Variants in AKT3 observed in about 807,000 individuals in gnomAD.
The protein encoded by AKT3 is RAC-gamma serine/threonine-protein kinase.
Under a neutral mutation model 65.3 loss-of-function variants are expected in AKT3, and 15 were observed. That is an observed-to-expected ratio of 0.23 (90% CI 0.15 to 0.35). The LOEUF is 0.35. Ranked by LOEUF, AKT3 falls within the 10% of genes least tolerant of loss-of-function variation. The pLI, the probability that AKT3 is intolerant of heterozygous loss-of-function variation, is 1.00. For missense variants in AKT3, 243 were observed against 576.5 expected, an observed-to-expected ratio of 0.42 and a Z score of 5.92; for synonymous variants, 206 against 183.8, an observed-to-expected ratio of 1.12 and a Z score of -0.98.
intron 4 of AKT3, among the ~76,000 whole-genome samples, chr1:243,659,282 T>C (rs1682081690): frequency 6.6e-6 from 1 of 152,152 alleles, no homozygotes; most frequent in Non-Finnish European, 1.5e-5. Flanking sequence ...AATGGAGAGC[T>C]ACTGTTCAAT....
intron 4 of AKT3, among the ~76,000 whole-genome samples, chr1:243,657,618 T>A (rs1030408404): frequency 2.0e-5 from 3 of 151,998 alleles, no homozygotes; most frequent in Admixed American, 6.6e-5. Context: ...TCCTACAGCA[T>A]TTTTGCGGAA....
intron 2 of AKT3, among the ~76,000 whole-genome samples, chr1:243,810,873 A>G (rs1347914265): frequency 6.6e-6 from 1 of 152,254 alleles, no homozygotes; most frequent in South Asian, 2.1e-4. Context: ...CTGGTTCAAC[A>G]TATGCAAATC....
At chr1:243,812,625 A>C (rs1317441045) in intron 2 of AKT3, among the ~76,000 whole-genome samples, 1 of 152,178 alleles carries the variant, frequency 6.6e-6, no homozygotes, top group Non-Finnish European at 1.5e-5. Context: ...TTCCTCAGGG[A>C]TCTAGAACTA....
rs184766102 is a variant in AKT3 at position 243,721,738 on chromosome 1, T to C, written c.47-26022A>G. On this transcript the variant is annotated intron_variant, in intron 2 of 13. Transcript: ENST00000673466. The stretch of plus-strand genomic sequence containing the variant: ...GAAATTTACTATGCCAATGTAATCC[T>C]ACCTACTTTTAGAAGGTATCAAAAT... Among the ~76,000 whole-genome samples, 116 of 152,244 alleles carry C rather than the reference T, an allele frequency of 7.6e-4. 1 individual carries two copies. Among genetic ancestry groups the C allele is most frequent in the African/African-American group, 2.7e-3 (112 of 41,554 alleles).
intron 11 of AKT3, among the ~76,000 whole-genome samples, chr1:243,552,017 C>T (rs929845664): frequency 3.3e-5 from 5 of 152,014 alleles, no homozygotes; most frequent in South Asian, 2.1e-4. Context: ...AGGCCGGGTG[C>T]GGTGGCTCAC....
In AKT3 at chr1:243,500,134, A is replaced by G. The variant is rs1170063712; in HGVS notation, c.*5115T>C. 1.6e-5 allele frequency: 5 copies of G among 318,010 alleles called. No individual in the cohort carries two copies. The Admixed American group carries it at 1.8e-4, about 11-fold the overall frequency. 19.7% of individuals were successfully genotyped at this position (318,010 alleles called of 1,614,324 possible). On this transcript the variant is annotated 3_prime_UTR_variant, in exon 14 of 14. Transcript: ENST00000673466. The stretch of plus-strand genomic sequence containing the variant: ...CCTTTTTATCTTGTAGTGATGAACA[A>G]AACACACCAAAAAGGCACATATTTT...
chr1:243,628,746 G>T (rs1679373561), intron 6 of AKT3, among the ~76,000 whole-genome samples: 1 of 152,208 alleles, frequency 6.6e-6, no homozygotes, highest in African/African-American at 2.4e-5. Context: ...GATGATAGCA[G>T]TTCAAAGGTA....
Position 243,540,154 on chromosome 1 carries a change from A to G in AKT3, c.1251+5356T>C, listed in dbSNP as rs142284271. On this transcript the variant is annotated intron_variant, in intron 12 of 13. Coordinates refer to ENST00000673466, the MANE Select transcript of AKT3 (RefSeq NM_005465.7). ...TACAAAGACATTTTAGGAAAAGAAG[A>G]TGACATAGTAATATCACTCAGGATT... 1.7e-3 allele frequency among the ~76,000 whole-genome samples: 258 copies of G among 152,288 alleles called. 6 individuals are homozygous for G. Among genetic ancestry groups the G allele is most frequent in the Non-Finnish European group, 4.1e-4 (28 of 68,016 alleles).
At position 243,850,034 on chromosome 1, in the gene AKT3, T is replaced by C. The variant is rs1460537434; in HGVS notation, c.-113+6A>G. The stretch of plus-strand genomic sequence containing the variant: ...GGGGGCTAGAGTTGGGGGCGGTGGC[T>C]GTTACCTGCAACGGCGGCGGCGGCG... On this transcript the variant is annotated splice_donor_region_variant and intron_variant, in intron 1 of 13. Transcript: ENST00000673466. 33 of 983,340 alleles carry C rather than the reference T, an allele frequency of 3.4e-5. No individual in the cohort carries two copies. The highest frequency in any genetic ancestry group is 3.9e-5 in the Non-Finnish European group (32 of 830,598). 60.9% of individuals were successfully genotyped at this position (983,340 alleles called of 1,614,324 possible).
chr1:243,763,737 TAC>T (rs1024992182), intron 2 of AKT3, among the ~76,000 whole-genome samples: 4 of 152,130 alleles, frequency 2.6e-5, no homozygotes, highest in African/African-American at 9.6e-5. Flanking sequence ...TATTCAAAAT[TAC>T]AGTTATTACT....
chr1:243,646,013 C>A lies in AKT3; in HGVS notation c.309G>T (p.Gln103His). ...GCCTCTGCAGTCTGTCTGCTACAGC[C>A]TGGATAGCTTCTGTCCATTCTTCCC... ...EEREEWTEAI[Q>H]AVADRLQRQE... The change falls in exon 5 of 14, where the codon CAG becomes CAT. Residue 103 changes from glutamine to histidine, a missense_variant. Physicochemically the swap from Gln to His is conservative, Grantham distance 24. Coordinates refer to ENST00000673466, the MANE Select transcript of AKT3 (RefSeq NM_005465.7). 1 of 1,611,044 alleles carries A rather than the reference C, an allele frequency of 6.2e-7. No homozygotes were observed. The highest frequency in any genetic ancestry group is 8.5e-7 in the Non-Finnish European group (1 of 1,178,912).
chr1:243,594,202 T>C (rs745860926), intron 8 of AKT3, among the ~76,000 whole-genome samples: 5 of 151,966 alleles, frequency 3.3e-5, no homozygotes, highest in African/African-American at 1.2e-4. Context: ...TAAAGAAAAA[T>C]TGAAAAATTA....
intron 13 of AKT3, among the ~76,000 whole-genome samples, chr1:243,490,931 A>G (rs763053230): frequency 6.6e-6 from 1 of 152,212 alleles, no homozygotes; most frequent in African/African-American, 2.4e-5. Flanking sequence ...GATCAGGACC[A>G]CTGGAGCCAC....
At chr1:243,808,885 T>A (rs1692929873) in intron 2 of AKT3, among the ~76,000 whole-genome samples, 1 of 152,102 alleles carries the variant, frequency 6.6e-6, no homozygotes, top group African/African-American at 2.4e-5. Context: ...TTCAACATAC[T>A]TAAAGAAAAG....
At chr1:243,794,374 G>A (rs1691821242) in intron 2 of AKT3, 1 of 152,146 alleles carries the variant, frequency 6.6e-6, no homozygotes, top group Non-Finnish European at 1.5e-5. Flanking sequence ...AATGTGATTA[G>A]GTTTCCCTGG....
At chr1:243,561,112 T>A (rs939661365) in intron 10 of AKT3, among the ~76,000 whole-genome samples, 1 of 152,080 alleles carries the variant, frequency 6.6e-6, no homozygotes, top group African/African-American at 2.4e-5. Context: ...ATTATATTTT[T>A]GGCAAGAAAA....
intron 2 of AKT3, among the ~76,000 whole-genome samples, chr1:243,766,841 C>T (rs1212460302): frequency 1.3e-5 from 2 of 152,116 alleles, no homozygotes; most frequent in East Asian, 3.9e-4. Context: ...GCACAGGGGA[C>T]TGAAGTAGGT....
intron 13 of AKT3, among the ~76,000 whole-genome samples, chr1:243,510,920 C>T (rs1238934653): frequency 6.6e-6 from 1 of 152,256 alleles, no homozygotes; most frequent in Non-Finnish European, 1.5e-5. Context: ...TGGTGTTACC[C>T]AGCATTTTGG....
At chr1:243,514,714 T>C (rs1047543882) in intron 12 of AKT3, among the ~76,000 whole-genome samples, 18 of 152,280 alleles carry the variant, frequency 1.2e-4, no homozygotes, top group Admixed American at 1.1e-3. Context: ...TAGTCCCAGC[T>C]ACTTGGGAGG....
Sources: allele counts gnomAD v4.1 joint callset (sites outside exome capture counted in the v4.1 genomes callset), GRCh38; gene constraint gnomAD v4.1.1; transcripts MANE v1.5; gene names NCBI Gene and HGNC (gene_info 2026-07-23, HGNC 2026-07-21).